COL14A1: variants seen among roughly 807,000 people sequenced by gnomAD.
COL14A1 encodes the protein collagen alpha-1(XIV) chain.
COL14A1 carries 136 observed loss-of-function variants against 230.3 expected under a neutral mutation model. That is an observed-to-expected ratio of 0.59 (90% CI 0.51 to 0.68). The LOEUF (loss-of-function observed/expected upper bound fraction) is 0.68, where lower values mean the gene tolerates loss of function less well. Among genes scored for constraint, COL14A1 ranks in the 30% least tolerant of loss-of-function variants. The pLI is 0.00. For synonymous variants in COL14A1, 792 were observed against 784.1 expected, an observed-to-expected ratio of 1.01 and a Z score of -0.17; for missense variants, 1,976 against 2,215.8, an observed-to-expected ratio of 0.89 and a Z score of 2.17.
At chr8:120,214,998 C>A (rs1817708435) in intron 13 of COL14A1, among the ~76,000 whole-genome samples, 1 of 152,168 alleles carries the variant, frequency 6.6e-6, no homozygotes, top group Admixed American at 6.5e-5. Context: ...CCAGTCACAG[C>A]TAGTGGCATG....
At chr8:120,237,389 A>G (rs1270196253) in intron 19 of COL14A1, among the ~76,000 whole-genome samples, 1 of 152,010 alleles carries the variant, frequency 6.6e-6, no homozygotes, top group Non-Finnish European at 1.5e-5. Context: ...CCTTTCTTTC[A>G]CTTGATCAAT....
At chr8:120,291,796 A>G (rs2129972547) in intron 34 of COL14A1, among the ~76,000 whole-genome samples, 1 of 152,188 alleles carries the variant, frequency 6.6e-6, no homozygotes. Flanking sequence ...GACTTCTAGC[A>G]CTTGATTATT....
At chr8:120,151,595 G>T (rs1815284464) in intron 2 of COL14A1, among the ~76,000 whole-genome samples, 1 of 143,172 alleles carries the variant, frequency 7.0e-6, no homozygotes, top group African/African-American at 2.6e-5. Context: ...AGCTGAGATG[G>T]TGCCACTGCA....
chr8:120,196,373 A>G (rs1330036721), intron 5 of COL14A1, among the ~76,000 whole-genome samples: 1 of 152,178 alleles, frequency 6.6e-6, no homozygotes, highest in Non-Finnish European at 1.5e-5. Flanking sequence ...CCTGTAGCAT[A>G]AATTTATCAG....
chr8:120,253,340 A>G (rs1298745401), intron 22 of COL14A1, among the ~76,000 whole-genome samples: 1 of 151,812 alleles, frequency 6.6e-6, no homozygotes, highest in East Asian at 1.9e-4. Context: ...TCTTCTCCCT[A>G]GTCTTTCTTG....
intron 7 of COL14A1, 108 bp downstream of exon 7, chr8:120,198,038 G>C (rs1479674248): frequency 1.8e-6 from 2 of 1,114,488 alleles, no homozygotes; most frequent in Non-Finnish European, 2.6e-6. Flanking sequence ...AATTAAACTA[G>C]CACTTAGGAT....
Position 120,345,566 on chromosome 8 carries a change from A to T in COL14A1, c.5077+3A>T, listed in dbSNP as rs903378062. On this transcript the variant is annotated splice_donor_region_variant and intron_variant, in intron 45 of 47. Transcript: ENST00000297848. ...GCCAGGGACCCCAGGAGAACGAGGT[A>T]AGCTGGGCCCCTTCTCTCAGAGGAA... The T allele has an allele frequency of 1.3e-6, 2 of 1,537,550 alleles. No individual in the cohort carries two copies. Among genetic ancestry groups the T allele is most frequent in the Non-Finnish European group, 1.7e-6 (2 of 1,148,806 alleles).
At chr8:120,365,759 T>C (rs1823387740) in intron 45 of COL14A1, among the ~76,000 whole-genome samples, 1 of 152,152 alleles carries the variant, frequency 6.6e-6, no homozygotes. Context: ...ACAGGCATGG[T>C]GGTTTGTGCC....
chr8:120,132,002 C>A (rs570948536), intron 1 of COL14A1, among the ~76,000 whole-genome samples: 54 of 151,874 alleles, frequency 3.6e-4, no homozygotes, highest in African/African-American at 1.3e-3. Flanking sequence ...ATATGCCCCA[C>A]CATGCCCAGA....
At chr8:120,284,754 A>C (rs74790510) in intron 32 of COL14A1, among the ~76,000 whole-genome samples, 2,429 of 152,304 alleles carry the variant, frequency 0.016, 33 homozygotes, top group Middle Eastern at 0.048. Context: ...GAAAATGAAG[A>C]ATTTTCTTAA....
chr8:120,330,075 C>T (rs1042843942), intron 40 of COL14A1, among the ~76,000 whole-genome samples: 2 of 152,158 alleles, frequency 1.3e-5, no homozygotes, highest in Non-Finnish European at 2.9e-5. Flanking sequence ...GCTAAAAACT[C>T]ATACTAGCCC....
chr8:120,172,823 A>AGTT (rs1409633373), intron 5 of COL14A1, among the ~76,000 whole-genome samples: 3 of 152,176 alleles, frequency 2.0e-5, no homozygotes, highest in Admixed American at 6.5e-5. Flanking sequence ...ACTATCAAAT[A>AGTT]CAACTTCCCA....
At chr8:120,328,149 AAAG>A (rs1223696922) in intron 40 of COL14A1, among the ~76,000 whole-genome samples, 1 of 152,212 alleles carries the variant, frequency 6.6e-6, no homozygotes, top group African/African-American at 2.4e-5. Flanking sequence ...TCTGCCCTCG[AAAG>A]AAGAAGAGAA....
intron 23 of COL14A1, among the ~76,000 whole-genome samples, chr8:120,257,464 G>A (rs1244355271): frequency 6.6e-6 from 1 of 152,132 alleles, no homozygotes; most frequent in Non-Finnish European, 1.5e-5. Context: ...GTGTGGGGGT[G>A]GCAGTAGGAA....
chr8:120,143,789 C>T (rs1032366657), intron 1 of COL14A1, among the ~76,000 whole-genome samples: 7 of 151,592 alleles, frequency 4.6e-5, no homozygotes, highest in Non-Finnish European at 7.4e-5. Flanking sequence ...GAATTTTATC[C>T]GGACATTCCA....
At chr8:120,254,821 CAAAAA>C (rs59681431) in intron 22 of COL14A1, among the ~76,000 whole-genome samples, 4 of 93,680 alleles carry the variant, frequency 4.3e-5, no homozygotes, top group Admixed American at 1.2e-4. Context: ...ACTGCCTCTA[CAAAAA>C]AAAAAAAAAA....
intron 31 of COL14A1, among the ~76,000 whole-genome samples, chr8:120,282,100 A>G (rs1244514193): frequency 6.6e-6 from 1 of 152,334 alleles, no homozygotes; most frequent in African/African-American, 2.4e-5. Flanking sequence ...TCCAACAATG[A>G]TAGACTGGAT....
chr8:120,269,567 T>C (rs1260792346), intron 25 of COL14A1, among the ~76,000 whole-genome samples: 2 of 151,792 alleles, frequency 1.3e-5, no homozygotes, highest in Non-Finnish European at 2.9e-5. Flanking sequence ...TCTGGTTCCA[T>C]TTTATCACAT....
intron 9 of COL14A1, 61 bp downstream of exon 9, chr8:120,203,931 G>A (rs1817344425): frequency 1.3e-6 from 2 of 1,496,210 alleles, no homozygotes; most frequent in African/African-American, 2.8e-5. Flanking sequence ...AGCCTATTGT[G>A]AATTGGGAAA....
Sources: gnomAD v4.1 joint callset for allele counts (sites outside exome capture counted in the v4.1 genomes callset) on GRCh38, gnomAD v4.1.1 for gene constraint, MANE v1.5 for transcripts, NCBI Gene and HGNC (gene_info 2026-07-23, HGNC 2026-07-21) for gene names.